RPS6KA2: variants seen among roughly 807,000 people sequenced by gnomAD.
RPS6KA2 encodes the protein ribosomal protein S6 kinase A2, also known as ribosomal protein S6 kinase alpha-2.
In RPS6KA2, 42 loss-of-function variants were observed where a neutral mutation model predicts 91.8. That is an observed-to-expected ratio of 0.46 (90% CI 0.36 to 0.59). The LOEUF (loss-of-function observed/expected upper bound fraction) is 0.59, where lower values mean the gene tolerates loss of function less well. RPS6KA2 is among the 20% of genes least tolerant of loss of function. RPS6KA2 has a pLI of 0.00. For missense variants in RPS6KA2, 798 were observed against 978.5 expected (o/e 0.82, Z 2.46); for synonymous variants, 414 against 393.6 (o/e 1.05, Z -0.61).
At chr6:166,541,667 C>T (rs1010665972) in intron 1 of RPS6KA2, among the ~76,000 whole-genome samples, 4 of 152,158 alleles carry the variant, frequency 2.6e-5, no homozygotes, top group African/African-American at 7.2e-5. Context: ...TGTTGCCTCC[C>T]GCCTCCCCGG....
chr6:166,788,489 T>C (rs1162807619), intron 2 of RPS6KA2, among the ~76,000 whole-genome samples: 2 of 152,182 alleles, frequency 1.3e-5, no homozygotes, highest in Admixed American at 6.5e-5. Flanking sequence ...ATATACACCA[T>C]GGAATACTAT....
At chr6:166,745,692 G>GT (rs1179324360) in intron 2 of RPS6KA2, among the ~76,000 whole-genome samples, 3 of 151,516 alleles carry the variant, frequency 2.0e-5, no homozygotes, top group Non-Finnish European at 4.4e-5. Flanking sequence ...GGTGACAACA[G>GT]TGCCTGGGCG....
In RPS6KA2 at chr6:166,419,499, A is replaced by G. The variant is rs1314604574; in HGVS notation, c.1820+383T>C. Among the ~76,000 whole-genome samples, 1 of 152,242 alleles carries G rather than the reference A, an allele frequency of 6.6e-6. No individual in the cohort carries two copies. Among genetic ancestry groups the G allele is most frequent in the Non-Finnish European group, 1.5e-5 (1 of 68,032 alleles). ...TGACTCATGACCACGAAACCCAGGT[A>G]CAGATGCTGTTTGACCCTGAAGCTG... On this transcript the variant is annotated intron_variant, in intron 18 of 20. Coordinates refer to ENST00000265678, the MANE Select transcript of RPS6KA2 (RefSeq NM_021135.6). The surrounding 1 kb of genome is among the most constrained non-coding windows in gnomAD (Gnocchi z 5.6).
At chr6:166,780,976 C>T (rs139924920) in intron 2 of RPS6KA2, among the ~76,000 whole-genome samples, 30 of 152,332 alleles carry the variant, frequency 2.0e-4, no homozygotes, top group African/African-American at 7.2e-4. Flanking sequence ...TCGGACACTT[C>T]GCTAGCAGAA....
intron 2 of RPS6KA2, among the ~76,000 whole-genome samples, chr6:166,804,429 C>T (rs567197897): frequency 6.0e-5 from 9 of 151,060 alleles, no homozygotes; most frequent in South Asian, 2.1e-4. Flanking sequence ...TATCTCACTG[C>T]GGGGAAATTA....
Position 166,550,994 on chromosome 6 carries a change from C to CAAAA in RPS6KA2, c.100-12214_100-12211dup, listed in dbSNP as rs58796308. Among the ~76,000 whole-genome samples, 141 of 106,364 alleles carry CAAAA rather than the reference C, an allele frequency of 1.3e-3. 1 individual carries two copies. Among genetic ancestry groups the CAAAA allele is most frequent in the Middle Eastern group, 0.014 (2 of 146 alleles). 69.8% of individuals were successfully genotyped at this position (106,364 alleles called of 152,430 possible). On this transcript the variant is annotated intron_variant, in intron 1 of 20. Coordinates refer to ENST00000265678, the MANE Select transcript of RPS6KA2 (RefSeq NM_021135.6). ...CTGGCAACAGAGCCGGACTCTATCT[C>CAAAA]AAAAAAAAAAAAAAAAAGAACGTGA...
chr6:166,588,217 C>T (rs981208530), intron 1 of RPS6KA2, among the ~76,000 whole-genome samples: 1 of 149,522 alleles, frequency 6.7e-6, no homozygotes, highest in Non-Finnish European at 1.5e-5. Context: ...AAAAGAGGAA[C>T]AAGGACCTCC....
At chr6:166,701,187 G>A in intron 2 of RPS6KA2, 1 of 1,612,056 alleles carries the variant, frequency 6.2e-7, no homozygotes, top group Non-Finnish European at 8.5e-7. Context: ...TTTTTCTCTG[G>A]GCAACCTGGC....
chr6:166,515,838 A>G lies in RPS6KA2; in HGVS notation c.299-5481T>C, dbSNP rs541833514. Among the ~76,000 whole-genome samples the G allele has an allele frequency of 1.5e-4, 23 of 152,336 alleles. No homozygotes were observed. In the South Asian group the frequency reaches 4.6e-3, roughly 30 times the overall value. On this transcript the variant is annotated intron_variant, in intron 3 of 20. Transcript: ENST00000265678. ...TTCAAAGTCACCCCTCTGCTCACTG[A>G]GATAAATGCAGATCTGATTGCCTCC...
intron 3 of RPS6KA2, among the ~76,000 whole-genome samples, chr6:166,516,443 T>G (rs1274193423): frequency 6.6e-6 from 1 of 151,304 alleles, no homozygotes; most frequent in African/African-American, 2.4e-5. Context: ...GAGGCAGGAG[T>G]GACTGCACAC....
At chr6:166,661,446 T>C (rs895846030) in intron 2 of RPS6KA2, among the ~76,000 whole-genome samples, 3 of 152,228 alleles carry the variant, frequency 2.0e-5, no homozygotes, top group Non-Finnish European at 4.4e-5. Context: ...TTAGTAGTCA[T>C]GTTTAAAATA....
At chr6:166,538,632 G>T in intron 2 of RPS6KA2, 36 bp downstream of exon 2, 1 of 1,211,878 alleles carries the variant, frequency 8.3e-7, no homozygotes, top group Non-Finnish European at 1.2e-6. Context: ...TTGTGTTCAG[G>T]AATGAGACTC....
At chr6:166,579,941 A>T (rs955164041) in intron 1 of RPS6KA2, among the ~76,000 whole-genome samples, 1 of 152,218 alleles carries the variant, frequency 6.6e-6, no homozygotes, top group African/African-American at 2.4e-5. Context: ...AGCCAAAAAG[A>T]ATAGGGAATG....
At chr6:166,683,351 T>G (rs188209516) in intron 2 of RPS6KA2, among the ~76,000 whole-genome samples, 1 of 152,362 alleles carries the variant, frequency 6.6e-6, no homozygotes, top group Admixed American at 6.5e-5. Context: ...AATGTACCAA[T>G]GTATTTCCAA....
chr6:166,703,682 A>G (rs1789597578), intron 2 of RPS6KA2, among the ~76,000 whole-genome samples: 1 of 152,228 alleles, frequency 6.6e-6, no homozygotes, highest in Non-Finnish European at 1.5e-5. Context: ...TATGAAGGAA[A>G]TAAAGTGATA....
At chr6:166,539,508 C>T (rs560190200) in intron 1 of RPS6KA2, among the ~76,000 whole-genome samples, 6 of 152,332 alleles carry the variant, frequency 3.9e-5, no homozygotes, top group South Asian at 4.1e-4. Context: ...CCTTCTCCTT[C>T]TGATTCACGC....
At chr6:166,466,333 G>C (rs1002371280) in intron 11 of RPS6KA2, among the ~76,000 whole-genome samples, 1 of 152,246 alleles carries the variant, frequency 6.6e-6, no homozygotes, top group Non-Finnish European at 1.5e-5. Flanking sequence ...TTAATCTAAT[G>C]TGTCATAGTT....
chr6:166,552,968 T>C (rs1047226633), intron 1 of RPS6KA2, among the ~76,000 whole-genome samples: 1 of 152,232 alleles, frequency 6.6e-6, no homozygotes, highest in Non-Finnish European at 1.5e-5. Flanking sequence ...ATTGATCTAC[T>C]AGGTTTTAGT....
chr6:166,756,745 C>T (rs1288494147), intron 2 of RPS6KA2, among the ~76,000 whole-genome samples: 3 of 152,094 alleles, frequency 2.0e-5, no homozygotes, highest in African/African-American at 7.2e-5. Flanking sequence ...ACTTAGGGGG[C>T]TGAGGCAGGA....
Sources: gnomAD v4.1 joint callset for allele counts (sites outside exome capture counted in the v4.1 genomes callset) on GRCh38, gnomAD v4.1.1 for gene constraint, Gnocchi (gnomAD v3.1) non-coding constraint, MANE v1.5 for transcripts, NCBI Gene and HGNC (gene_info 2026-07-23, HGNC 2026-07-21) for gene names.